TWIST2: variants seen among roughly 807,000 people sequenced by gnomAD.
TWIST2 encodes the protein twist family bHLH transcription factor 2, also known as twist-related protein 2.
In TWIST2, 1 loss-of-function variant was observed where a neutral mutation model predicts 11.6. The ratio of observed to expected loss-of-function variants is 0.09; its 90% CI spans 0.03 to 0.41. The LOEUF (loss-of-function observed/expected upper bound fraction) is 0.41, where lower values mean the gene tolerates loss of function less well. Ranked by LOEUF, TWIST2 falls within the 10% of genes least tolerant of loss-of-function variation. TWIST2 has a pLI of 0.98. For missense variants in TWIST2, 168 were observed against 226.4 expected, an observed-to-expected ratio of 0.74 and a Z score of 1.66; for synonymous variants, 87 against 96.6, an observed-to-expected ratio of 0.90 and a Z score of 0.58.
chr2:238,868,608 C>T (rs868132812), intron 1 of TWIST2, among the ~76,000 whole-genome samples: 1 of 152,208 alleles, frequency 6.6e-6, no homozygotes, highest in African/African-American at 2.4e-5. Flanking sequence ...CTGTTTCCCA[C>T]AGTGGACACC....
chr2:238,894,075 G>C (rs960768685), intron 1 of TWIST2, among the ~76,000 whole-genome samples: 8 of 152,122 alleles, frequency 5.3e-5, no homozygotes, highest in African/African-American at 1.9e-4. Flanking sequence ...AGCCCATCTT[G>C]GGAATCCAGA....
intron 1 of TWIST2, among the ~76,000 whole-genome samples, chr2:238,906,705 C>T (rs1693360771): frequency 6.6e-6 from 1 of 152,170 alleles, no homozygotes; most frequent in East Asian, 1.9e-4. Flanking sequence ...GTCCCTCCAG[C>T]TTCCACATCC....
At chr2:238,849,005 G>A (rs144559243) in intron 1 of TWIST2, among the ~76,000 whole-genome samples, 1 of 152,086 alleles carries the variant, frequency 6.6e-6, no homozygotes, top group African/African-American at 2.4e-5. Flanking sequence ...TACTTAGACA[G>A]ATGGTCGCAG....
At chr2:238,852,358 T>C (rs1476623174) in intron 1 of TWIST2, among the ~76,000 whole-genome samples, 1 of 152,240 alleles carries the variant, frequency 6.6e-6, no homozygotes, top group African/African-American at 2.4e-5. Context: ...GGAATGTCTG[T>C]TTATGTTTGT....
intron 1 of TWIST2, among the ~76,000 whole-genome samples, chr2:238,859,930 C>T (rs552611270): frequency 6.6e-5 from 10 of 152,232 alleles, no homozygotes; most frequent in East Asian, 3.9e-4. Context: ...CTCTGGGGGC[C>T]GAGGCAGAGA....
At chr2:238,884,008 C>T (rs1354368027) in intron 1 of TWIST2, among the ~76,000 whole-genome samples, 1 of 152,102 alleles carries the variant, frequency 6.6e-6, no homozygotes, top group Non-Finnish European at 1.5e-5. Context: ...ATCTGAATTC[C>T]CCTAGGGTTA....
chr2:238,854,017 G>C (rs542450925), intron 1 of TWIST2, among the ~76,000 whole-genome samples: 1 of 152,274 alleles, frequency 6.6e-6, no homozygotes, highest in South Asian at 2.1e-4. Flanking sequence ...TTTGACCAGG[G>C]AAAGATTCAG....
chr2:238,870,577 A>AC (rs1692660598), intron 1 of TWIST2, among the ~76,000 whole-genome samples: 1 of 55,956 alleles, frequency 1.8e-5, no homozygotes. Context: ...ACCACACACC[A>AC]CACACACACA....
intron 1 of TWIST2, among the ~76,000 whole-genome samples, chr2:238,894,094 TTCAAATC>T (rs1693179780): frequency 2.0e-5 from 3 of 152,042 alleles, no homozygotes; most frequent in African/African-American, 2.4e-5. Context: ...GAGGCCTGGG[TTCAAATC>T]CTAGCAAAGC....
At chr2:238,848,893 G>A (rs1169159698) in intron 1 of TWIST2, among the ~76,000 whole-genome samples, 160 bp downstream of exon 1, 1 of 152,120 alleles carries the variant, frequency 6.6e-6, no homozygotes, top group Non-Finnish European at 1.5e-5. Flanking sequence ...GCGGGCGGGC[G>A]GGACGCTCAC....
rs139312588 is a variant in TWIST2, at chr2:238,859,329, T to C, written c.*35+10596T>C. Among the ~76,000 whole-genome samples, 62 of 152,098 alleles carry C rather than the reference T, an allele frequency of 4.1e-4. No homozygotes were observed. In the South Asian group the frequency reaches 6.2e-3, roughly 15 times the overall value. ...TGTGATATTTGGGATTTCATTTATATGAAATGTCCCAAATAAGCAAATCCA... is the reference window on the plus strand; with the variant it reads ...TGTGATATTTGGGATTTCATTTATACGAAATGTCCCAAATAAGCAAATCCA... On this transcript the variant is annotated intron_variant, in intron 1 of 1. Transcript: ENST00000612363.
chr2:238,854,363 T>A (rs1298342653), intron 1 of TWIST2, among the ~76,000 whole-genome samples: 1 of 152,228 alleles, frequency 6.6e-6, no homozygotes, highest in East Asian at 1.9e-4. Context: ...TGTCTCTGGA[T>A]GTGCAGGTCT....
At chr2:238,883,813 G>T (rs1692982909) in intron 1 of TWIST2, among the ~76,000 whole-genome samples, 1 of 152,256 alleles carries the variant, frequency 6.6e-6, no homozygotes, top group Non-Finnish European at 1.5e-5. Context: ...GGGTTATGTT[G>T]TTGCTGGTTT....
chr2:238,870,550 C>G (rs1429949604), intron 1 of TWIST2, among the ~76,000 whole-genome samples: 2 of 135,696 alleles, frequency 1.5e-5, no homozygotes. Flanking sequence ...ACCCCACACA[C>G]CCCACACACA....
At chr2:238,868,619 A>C (rs1056013844) in intron 1 of TWIST2, among the ~76,000 whole-genome samples, 8 of 152,226 alleles carry the variant, frequency 5.3e-5, no homozygotes, top group Non-Finnish European at 1.0e-4. Context: ...AGTGGACACC[A>C]AGCAGTCCTG....
At chr2:238,869,813 C>A (rs970934455) in intron 1 of TWIST2, among the ~76,000 whole-genome samples, 3 of 152,042 alleles carry the variant, frequency 2.0e-5, no homozygotes, top group East Asian at 3.9e-4. Context: ...CAGGGTGTGG[C>A]GGCCTATGCC....
chr2:238,867,370 A>AACACACACACACACACACAC lies in TWIST2; in HGVS notation c.*35+18660_*35+18679dup, dbSNP rs1229428285. ...CTGGGGAGTAAAATGTCCTGCCTTCAACACACACACACACACACACACACA... is the reference window on the plus strand; with the variant it reads ...CTGGGGAGTAAAATGTCCTGCCTTCAACACACACACACACACACACACACACACACACACACACACACACA... On this transcript the variant is annotated intron_variant, in intron 1 of 1. Transcript: ENST00000612363. This position sits in a 1 kb window ranked among gnomAD's most constrained non-coding sequence, Gnocchi z 4.8. 1.9e-3 allele frequency among the ~76,000 whole-genome samples: 230 copies of AACACACACACACACACACAC among 119,728 alleles called. 6 individuals carry two copies. Among genetic ancestry groups the AACACACACACACACACACAC allele is most frequent in the East Asian group, 2.8e-3 (11 of 3,954 alleles). The allele number at this position is 119,728 out of a possible 152,430, so 78.5% of individuals were successfully genotyped here. A position where few individuals can be genotyped will look rare whatever the true frequency, so the allele number is the denominator to read the frequency against.
chr2:238,898,732 G>A (rs1693235666), intron 1 of TWIST2, among the ~76,000 whole-genome samples: 2 of 152,260 alleles, frequency 1.3e-5, no homozygotes, highest in South Asian at 4.1e-4. Context: ...GTGCCCTCGT[G>A]CTAAGGGCTT....
chr2:238,866,730 CT>C lies in TWIST2; in HGVS notation c.*35+17999del, dbSNP rs1351077350. Among the ~76,000 whole-genome samples the C allele has an allele frequency of 2.0e-5, 3 of 152,194 alleles. No homozygotes were observed. The East Asian group carries it at 5.8e-4, about 29-fold the overall frequency. On this transcript the variant is annotated intron_variant, in intron 1 of 1. Coordinates refer to ENST00000612363, the MANE Select transcript of TWIST2 (RefSeq NM_001271893.4). The surrounding 1 kb of genome is among the most constrained non-coding windows in gnomAD (Gnocchi z 4.9). ...CTGCTCTCCCTTGACTGGAATCTCC[CT>C]TGTGCCCGACAGGACTACCTCCAGT...
Sources: allele counts gnomAD v4.1 joint callset (sites outside exome capture counted in the v4.1 genomes callset), GRCh38; gene constraint gnomAD v4.1.1; non-coding constraint Gnocchi (gnomAD v3.1); transcripts MANE v1.5; gene names NCBI Gene and HGNC (gene_info 2026-07-23, HGNC 2026-07-21).